The following THRB variants were observed in gnomAD, a reference collection of about 807,000 sequenced individuals.
The protein encoded by THRB is nuclear receptor subfamily 1 group A member 2.
Under a neutral mutation model 47.8 loss-of-function variants are expected in THRB, and 12 were observed. The ratio of observed to expected loss-of-function variants is 0.25; its 90% CI spans 0.16 to 0.41. The LOEUF (loss-of-function observed/expected upper bound fraction) is 0.41, where lower values mean the gene tolerates loss of function less well. Ranked by LOEUF, THRB falls within the 10% of genes least tolerant of loss-of-function variation. THRB has a pLI of 1.00. For missense variants in THRB, 348 were observed against 589.2 expected (o/e 0.59, Z 4.24); for synonymous variants, 218 against 212.2 (o/e 1.03, Z -0.24).
chr3:24,398,198 A>G (rs1278180752), intron 1 of THRB, among the ~76,000 whole-genome samples: 1 of 152,140 alleles, frequency 6.6e-6, no homozygotes, highest in African/African-American at 2.4e-5. Context: ...AATGTGGGCA[A>G]TCAGAAACCT....
intron 3 of THRB, among the ~76,000 whole-genome samples, chr3:24,249,254 C>T (rs9843698): frequency 0.86 from 131,302 of 152,122 alleles, 57,149 homozygotes; most frequent in African/African-American, 0.96. Context: ...CCTGATCACC[C>T]TGGAAATGTT....
intron 9 of THRB, among the ~76,000 whole-genome samples, chr3:24,128,863 CTTTTTTTTTTT>C (rs57890674): frequency 0.25 from 22,238 of 87,452 alleles, 2,669 homozygotes; most frequent in South Asian, 0.4. Flanking sequence ...AAACATAACT[CTTTTTTTTTTT>C]TTTTTTTTTT....
At chr3:24,239,987 A>G (rs1356604776) in intron 3 of THRB, among the ~76,000 whole-genome samples, 1 of 152,192 alleles carries the variant, frequency 6.6e-6, no homozygotes, top group Non-Finnish European at 1.5e-5. Flanking sequence ...GGTGTCTGAC[A>G]GTTGTTTCTG....
intron 1 of THRB, among the ~76,000 whole-genome samples, chr3:24,463,222 A>G (rs2073849538): frequency 6.6e-6 from 1 of 152,328 alleles, no homozygotes; most frequent in Admixed American, 6.5e-5. Context: ...GGAACGGGGA[A>G]CGGCTTTTCT....
intron 5 of THRB, among the ~76,000 whole-genome samples, chr3:24,171,830 G>A (rs1261342749): frequency 2.6e-5 from 4 of 152,092 alleles, no homozygotes; most frequent in Non-Finnish European, 5.9e-5. Flanking sequence ...TCCTGGGAGT[G>A]TTAATTAGCA....
intron 3 of THRB, among the ~76,000 whole-genome samples, chr3:24,289,171 C>CTA (rs972236729): frequency 2.6e-5 from 4 of 152,156 alleles, no homozygotes; most frequent in Admixed American, 2.6e-4. Flanking sequence ...TTACTGCTGC[C>CTA]TATTAGCTGC....
intron 1 of THRB, among the ~76,000 whole-genome samples, chr3:24,464,288 A>G (rs1290701551): frequency 6.6e-6 from 1 of 152,018 alleles, no homozygotes; most frequent in African/African-American, 2.4e-5. Context: ...TGGTTGCATT[A>G]GTTTGGTTAA....
At chr3:24,131,910 TG>T (rs1330721225) in intron 9 of THRB, among the ~76,000 whole-genome samples, 3 of 152,326 alleles carry the variant, frequency 2.0e-5, no homozygotes, top group East Asian at 1.9e-4. Flanking sequence ...ACAGTGAAGC[TG>T]GGGCTAAGAG....
At chr3:24,306,536 A>G (rs761218465) in intron 2 of THRB, among the ~76,000 whole-genome samples, 6 of 150,014 alleles carry the variant, frequency 4.0e-5, no homozygotes, top group Non-Finnish European at 7.4e-5. Flanking sequence ...TATTCTTTGT[A>G]TTTTCCTGCA....
intron 1 of THRB, among the ~76,000 whole-genome samples, chr3:24,367,973 G>A (rs534436498): frequency 3.1e-4 from 47 of 152,202 alleles, no homozygotes; most frequent in African/African-American, 1.1e-3. Context: ...TCCTTAAAGG[G>A]ACTAGAATAG....
intron 3 of THRB, among the ~76,000 whole-genome samples, chr3:24,250,003 C>T (rs886694925): frequency 1.3e-4 from 20 of 152,176 alleles, no homozygotes; most frequent in African/African-American, 4.8e-4. Context: ...CAACCTAGTA[C>T]CAGAGTATCT....
In THRB at chr3:24,146,825, A is replaced by G. The variant is rs752690472; in HGVS notation, c.385-3T>C. 1.2e-6 allele frequency: 2 copies of G among 1,613,548 alleles called. No homozygotes were observed. Among genetic ancestry groups the G allele is most frequent in the Non-Finnish European group, 1.7e-6 (2 of 1,179,606 alleles). On this transcript the variant is annotated splice_region_variant and splice_polypyrimidine_tract_variant and intron_variant, in intron 6 of 10. Coordinates refer to ENST00000646209, the MANE Select transcript of THRB (RefSeq NM_001354712.2). ...TGAATGGTTCTTCTAAAGAAACCCTATATGAAAAACAAAGACCCAAGACAA... is the reference window on the plus strand; with the variant it reads ...TGAATGGTTCTTCTAAAGAAACCCTGTATGAAAAACAAAGACCCAAGACAA...
At chr3:24,195,900 C>T (rs966690289) in intron 4 of THRB, among the ~76,000 whole-genome samples, 1 of 152,202 alleles carries the variant, frequency 6.6e-6, no homozygotes, top group African/African-American at 2.4e-5. Flanking sequence ...TCTCTATCAT[C>T]TTACTTTAGG....
At chr3:24,342,820 G>A (rs929002287) in intron 1 of THRB, among the ~76,000 whole-genome samples, 2 of 152,170 alleles carry the variant, frequency 1.3e-5, no homozygotes, top group Non-Finnish European at 2.9e-5. Flanking sequence ...GTGGAAATGA[G>A]GGAAAGAATG....
chr3:24,151,245 G>A (rs796681423), intron 6 of THRB, among the ~76,000 whole-genome samples: 12 of 152,146 alleles, frequency 7.9e-5, no homozygotes, highest in African/African-American at 2.4e-4. Flanking sequence ...CTAATGTCAC[G>A]TACAAAAACA....
chr3:24,311,440 T>C (rs1050882327), intron 2 of THRB, among the ~76,000 whole-genome samples: 1 of 152,188 alleles, frequency 6.6e-6, no homozygotes, highest in African/African-American at 2.4e-5. Flanking sequence ...TCATAGACTC[T>C]TCCAACCATC....
At chr3:24,333,400 C>T (rs1559954023) in intron 2 of THRB, among the ~76,000 whole-genome samples, 1 of 152,268 alleles carries the variant, frequency 6.6e-6, no homozygotes. Flanking sequence ...TGCCCAAAGT[C>T]CCCGGAATGG....
At chr3:24,308,965 C>A (rs750280703) in intron 2 of THRB, among the ~76,000 whole-genome samples, 9 of 152,134 alleles carry the variant, frequency 5.9e-5, no homozygotes, top group Non-Finnish European at 1.2e-4. Context: ...ACCCATGCTA[C>A]TCAGGCCCCA....
intron 4 of THRB, among the ~76,000 whole-genome samples, chr3:24,209,484 C>T (rs1001961683): frequency 1.3e-5 from 2 of 152,054 alleles, no homozygotes; most frequent in Non-Finnish European, 2.9e-5. Flanking sequence ...CACCATGGTA[C>T]ACTATGCAGC....
Sources: allele counts gnomAD v4.1 joint callset (sites outside exome capture counted in the v4.1 genomes callset), GRCh38; gene constraint gnomAD v4.1.1; transcripts MANE v1.5; gene names NCBI Gene and HGNC (gene_info 2026-07-23, HGNC 2026-07-21).